The following PTPN12 variants were observed in gnomAD, a reference collection of about 807,000 sequenced individuals.
The protein encoded by PTPN12 is protein tyrosine phosphatase non-receptor type 12, also known as tyrosine-protein phosphatase non-receptor type 12.
Under a neutral mutation model 97.6 loss-of-function variants are expected in PTPN12, and 29 were observed. The observed-to-expected ratio is 0.30, with a 90% CI of 0.22 to 0.41. PTPN12 has a LOEUF of 0.41. PTPN12 is among the 10% of genes least tolerant of loss of function. PTPN12 has a pLI of 1.00. For missense variants in PTPN12, 819 were observed against 926.0 expected, an observed-to-expected ratio of 0.88 and a Z score of 1.50; for synonymous variants, 327 against 300.4, an observed-to-expected ratio of 1.09 and a Z score of -0.91.
chr7:77,558,916 A>T (rs1562711184), intron 1 of PTPN12, among the ~76,000 whole-genome samples: 1 of 152,196 alleles, frequency 6.6e-6, no homozygotes, highest in Non-Finnish European at 1.5e-5. Flanking sequence ...TGGGAAGCTG[A>T]GGCAGGCAGA....
chr7:77,541,888 C>T (rs960386520), intron 1 of PTPN12, among the ~76,000 whole-genome samples: 2 of 152,108 alleles, frequency 1.3e-5, no homozygotes, highest in African/African-American at 4.8e-5. Flanking sequence ...AATAAATTAG[C>T]AAATAGCTAA....
At chr7:77,554,175 C>T (rs1807599198) in intron 1 of PTPN12, among the ~76,000 whole-genome samples, 1 of 152,130 alleles carries the variant, frequency 6.6e-6, no homozygotes, top group African/African-American at 2.4e-5. Flanking sequence ...ACCATGTTGC[C>T]CAGGCTGTCA....
rs1298553010 is a variant in PTPN12, at chr7:77,625,467, T to TGCTCGCTC, written c.1026-1237_1026-1230dup. Among the ~76,000 whole-genome samples the TGCTCGCTC allele has an allele frequency of 2.8e-3, 55 of 19,912 alleles. 4 individuals carry two copies. The highest frequency in any genetic ancestry group is 3.8e-3 in the Non-Finnish European group (51 of 13,304). The allele number at this position is 19,912 out of a possible 152,430, so 13.1% of individuals were successfully genotyped here. A position where few individuals can be genotyped will look rare whatever the true frequency, so the allele number is the denominator to read the frequency against. On this transcript the variant is annotated intron_variant, in intron 12 of 17. Coordinates refer to ENST00000248594, the MANE Select transcript of PTPN12 (RefSeq NM_002835.4). The stretch of plus-strand genomic sequence containing the variant: ...CAGGGTTTTGCCATATTGCCCAGGC[T>TGCTCGCTC]GCTCGCTCTCTCTCTCTCTCTCTCT...
At chr7:77,539,741 G>T (rs1351664136) in intron 1 of PTPN12, among the ~76,000 whole-genome samples, 2 of 152,238 alleles carry the variant, frequency 1.3e-5, no homozygotes, top group Non-Finnish European at 2.9e-5. Context: ...CGATGCTCCT[G>T]CCTCAGCCTC....
At chr7:77,629,453 A>G (rs1190802029) in intron 13 of PTPN12, among the ~76,000 whole-genome samples, 1 of 152,150 alleles carries the variant, frequency 6.6e-6, no homozygotes, top group African/African-American at 2.4e-5. Flanking sequence ...ATAAGAAAAT[A>G]TGTAGATAAG....
At chr7:77,561,669 A>G (rs1487719309) in intron 1 of PTPN12, among the ~76,000 whole-genome samples, 1 of 152,140 alleles carries the variant, frequency 6.6e-6, no homozygotes, top group Non-Finnish European at 1.5e-5. Flanking sequence ...TCTTTGTTTT[A>G]TATTTGTAAT....
intron 16 of PTPN12, 25 bp downstream of exon 16, chr7:77,637,073 CT>C: frequency 6.4e-7 from 1 of 1,558,974 alleles, no homozygotes; most frequent in African/African-American, 1.4e-5. Context: ...TTTTTTTTTC[CT>C]TTTTACTGTA....
chr7:77,632,746 C>T (rs79752319), intron 14 of PTPN12, among the ~76,000 whole-genome samples: 36,427 of 151,754 alleles, frequency 0.24, 4,546 homozygotes, highest in Non-Finnish European at 0.28. Context: ...CACCTGAGGT[C>T]AGGAGTTGGA....
intron 14 of PTPN12, among the ~76,000 whole-genome samples, chr7:77,633,483 C>T (rs535335126): frequency 1.3e-5 from 2 of 151,996 alleles, no homozygotes; most frequent in East Asian, 3.9e-4. Context: ...GTGGCATGCA[C>T]CAGTAGTCCC....
intron 9 of PTPN12, 70 bp downstream of exon 9, chr7:77,607,371 A>T: frequency 9.5e-7 from 1 of 1,053,482 alleles, no homozygotes; most frequent in Non-Finnish European, 1.4e-6. Flanking sequence ...TTATAATTGC[A>T]GTAAATTATA....
intron 5 of PTPN12, among the ~76,000 whole-genome samples, chr7:77,588,873 T>A (rs1562731921): frequency 6.6e-6 from 1 of 152,188 alleles, no homozygotes; most frequent in Non-Finnish European, 1.5e-5. Flanking sequence ...TTTGTTTGTT[T>A]GTTTGTTTTG....
intron 9 of PTPN12, among the ~76,000 whole-genome samples, chr7:77,607,833 A>T (rs1177349572): frequency 6.6e-6 from 1 of 150,940 alleles, no homozygotes; most frequent in Non-Finnish European, 1.5e-5. Flanking sequence ...AGCTCACTGC[A>T]ACCTCCACCT....
At chr7:77,575,613 A>G (rs1787316404) in intron 2 of PTPN12, among the ~76,000 whole-genome samples, 1 of 152,214 alleles carries the variant, frequency 6.6e-6, no homozygotes, top group Non-Finnish European at 1.5e-5. Context: ...GGTATAATTT[A>G]CATACCCATG....
In PTPN12 at chr7:77,583,592, G is replaced by A; in HGVS notation, c.323G>A (p.Gly108Glu). The A allele has an allele frequency of 6.2e-7, 1 of 1,611,868 alleles. No individual in the cohort carries two copies. Residue 108 changes from glycine (G) to glutamate (E), a missense_variant, in exon 4 of 18, where the codon GGA becomes GAA. Transcript: ENST00000248594. ...YGPKAYVATQ[G>E]PLANTVIDFW... Reference sequence around the variant, plus strand: ...CCAAAAGCATATGTAGCAACTCAAGGACCTTTAGCAAATACAGTAATAGAT... The same window carrying A: ...CCAAAAGCATATGTAGCAACTCAAGAACCTTTAGCAAATACAGTAATAGAT...
chr7:77,583,848 G>A (rs1192383375), intron 4 of PTPN12, 198 bp downstream of exon 4: 4 of 420,096 alleles, frequency 9.5e-6, no homozygotes, highest in Non-Finnish European at 1.7e-5. Flanking sequence ...ATTTTAAGAA[G>A]GTGTGATAAT....
intron 13 of PTPN12, among the ~76,000 whole-genome samples, chr7:77,628,449 A>C (rs534778646): frequency 6.6e-6 from 1 of 152,274 alleles, no homozygotes; most frequent in East Asian, 1.9e-4. Context: ...AAAGCTGTTT[A>C]TTGATATATT....
rs1788553192 is a variant in PTPN12, at chr7:77,611,064, A to G, written c.939+18A>G. 4 of 1,570,776 alleles carry G rather than the reference A, an allele frequency of 2.5e-6. No individual in the cohort carries two copies. Among genetic ancestry groups the G allele is most frequent in the African/African-American group, 1.4e-5 (1 of 73,308 alleles). ...ATGGAGTGGTAGGTGTTCTTGGTCT[A>G]TTAATTTTAGGAAACTTTTACTCTT... On this transcript the variant is annotated intron_variant, in intron 11 of 17. Coordinates refer to ENST00000248594, the MANE Select transcript of PTPN12 (RefSeq NM_002835.4).
intron 1 of PTPN12, among the ~76,000 whole-genome samples, chr7:77,564,737 T>C (rs1386357993): frequency 7.0e-6 from 1 of 142,602 alleles, no homozygotes; most frequent in African/African-American, 2.6e-5. Context: ...TGTTGTTTTT[T>C]GTTGTCGTGT....
At chr7:77,601,095 C>T (rs144264445) in intron 8 of PTPN12, 1 of 232,292 alleles carries the variant, frequency 4.3e-6, no homozygotes, top group South Asian at 1.1e-4. Context: ...ATCTCAGATC[C>T]TCATCATACT....
Sources: allele counts gnomAD v4.1 joint callset (sites outside exome capture counted in the v4.1 genomes callset), GRCh38; gene constraint gnomAD v4.1.1; transcripts MANE v1.5; gene names NCBI Gene and HGNC (gene_info 2026-07-23, HGNC 2026-07-21).